GRID2: variants seen among roughly 807,000 people sequenced by gnomAD.
The protein encoded by GRID2 is glutamate receptor ionotropic, delta-2.
GRID2 carries 33 observed loss-of-function variants against 114.8 expected under a neutral mutation model. The observed-to-expected ratio is 0.29, with a 90% CI of 0.22 to 0.38. The LOEUF is 0.38. GRID2 is among the 10% of genes least tolerant of loss of function. GRID2 has a pLI of 1.00. For missense variants in GRID2, 1,184 were observed against 1,257.7 expected, an observed-to-expected ratio of 0.94 and a Z score of 0.89; for synonymous variants, 505 against 449.9, an observed-to-expected ratio of 1.12 and a Z score of -1.55.
chr4:92,384,609 A>ATATGTTATATATTATATATAATATATAT lies in GRID2; in HGVS notation c.88+79868_88+79869insGTTATATATTATATATAATATATATTAT, dbSNP rs1729830796. The stretch of plus-strand genomic sequence containing the variant: ...TATATTATATATAACATAATATATA[A>ATATGTTATATATTATATATAATATATAT]TATATGTTATATATTATATATAATA... On this transcript the variant is annotated intron_variant, in intron 1 of 15. Coordinates refer to ENST00000282020, the MANE Select transcript of GRID2 (RefSeq NM_001510.4). Among the ~76,000 whole-genome samples, 8 of 52,234 alleles carry ATATGTTATATATTATATATAATATATAT rather than the reference A, an allele frequency of 1.5e-4. No individual in the cohort carries two copies. The South Asian group carries it at 2.8e-3, about 18-fold the overall frequency. The allele number at this position is 52,234 out of a possible 152,430, so 34.3% of individuals were successfully genotyped here.
chr4:92,709,928 G>T (rs1261830212), intron 2 of GRID2, among the ~76,000 whole-genome samples: 2 of 151,972 alleles, frequency 1.3e-5, no homozygotes, highest in Non-Finnish European at 2.9e-5. Flanking sequence ...TATTCTAATA[G>T]AATTTTCAGT....
intron 2 of GRID2, among the ~76,000 whole-genome samples, chr4:92,677,476 T>C (rs1733429042): frequency 1.3e-5 from 2 of 152,158 alleles, no homozygotes; most frequent in South Asian, 2.1e-4. Context: ...TTAATTCTTA[T>C]TACTGGTATA....
chr4:93,256,638 TGATA>T (rs572201241), intron 8 of GRID2, among the ~76,000 whole-genome samples: 65 of 151,944 alleles, frequency 4.3e-4, no homozygotes, highest in African/African-American at 1.4e-3. Flanking sequence ...AAAGAAAATA[TGATA>T]GATAGATAGA....
At chr4:93,106,034 C>A (rs373599135) in intron 3 of GRID2, among the ~76,000 whole-genome samples, 1 of 152,098 alleles carries the variant, frequency 6.6e-6, no homozygotes, top group Non-Finnish European at 1.5e-5. Context: ...TTCCTCCTCC[C>A]CCAGTCTTAT....
intron 12 of GRID2, among the ~76,000 whole-genome samples, chr4:93,494,910 C>T (rs779583133): frequency 6.6e-6 from 1 of 151,782 alleles, no homozygotes; most frequent in African/African-American, 2.4e-5. Context: ...ATAATAGCAT[C>T]ATCAACATTA....
chr4:92,589,595 T>C (rs1728614465), intron 1 of GRID2, among the ~76,000 whole-genome samples: 1 of 152,212 alleles, frequency 6.6e-6, no homozygotes, highest in Non-Finnish European at 1.5e-5. Context: ...TGAATGTCTT[T>C]ACATTTTCTA....
At chr4:92,868,843 G>C (rs1293453269) in intron 2 of GRID2, among the ~76,000 whole-genome samples, 2 of 152,034 alleles carry the variant, frequency 1.3e-5, no homozygotes, top group African/African-American at 4.8e-5. Context: ...TTTATCAAGA[G>C]TAATATTGCC....
intron 1 of GRID2, among the ~76,000 whole-genome samples, chr4:92,358,925 A>T (rs1163138111): frequency 6.6e-6 from 1 of 151,944 alleles, no homozygotes; most frequent in African/African-American, 2.4e-5. Context: ...ACTTGCATGT[A>T]TCAACTAATT....
intron 10 of GRID2, among the ~76,000 whole-genome samples, chr4:93,439,486 G>A (rs1721423780): frequency 6.6e-6 from 1 of 152,066 alleles, no homozygotes; most frequent in Non-Finnish European, 1.5e-5. Context: ...CATTCTCATG[G>A]AATTGTCTAG....
At chr4:92,931,094 C>T (rs970526789) in intron 2 of GRID2, among the ~76,000 whole-genome samples, 9 of 138,716 alleles carry the variant, frequency 6.5e-5, no homozygotes, top group African/African-American at 2.1e-4. Context: ...CCACTACAAA[C>T]ATAGTTAAAA....
chr4:93,213,171 A>T (rs891258379), intron 5 of GRID2, among the ~76,000 whole-genome samples: 2 of 152,084 alleles, frequency 1.3e-5, no homozygotes, highest in Non-Finnish European at 2.9e-5. Context: ...TGAACTGCTC[A>T]CTTCTAAGCT....
At chr4:92,661,222 G>T (rs1486168364) in intron 2 of GRID2, among the ~76,000 whole-genome samples, 1 of 150,690 alleles carries the variant, frequency 6.6e-6, no homozygotes, top group East Asian at 1.9e-4. Context: ...TAATAAAGAG[G>T]TGTTCTAAGA....
chr4:93,737,830 A>G (rs2110243048), intron 14 of GRID2, among the ~76,000 whole-genome samples: 1 of 152,266 alleles, frequency 6.6e-6, no homozygotes, highest in Middle Eastern at 3.4e-3. Flanking sequence ...GCTCACACCT[A>G]ATTGATAAAA....
At chr4:93,632,230 A>G (rs933486034) in intron 14 of GRID2, among the ~76,000 whole-genome samples, 3 of 152,198 alleles carry the variant, frequency 2.0e-5, no homozygotes, top group Middle Eastern at 3.4e-3. Flanking sequence ...ATGAGATCCC[A>G]TTTGTCAGTT....
intron 1 of GRID2, among the ~76,000 whole-genome samples, chr4:92,464,689 A>C (rs1243580516): frequency 6.6e-6 from 1 of 152,134 alleles, no homozygotes; most frequent in African/African-American, 2.4e-5. Flanking sequence ...AGCAGCTTAC[A>C]GTCTATTAGT....
chr4:93,381,897 T>C (rs1763888357), intron 8 of GRID2, among the ~76,000 whole-genome samples: 1 of 152,154 alleles, frequency 6.6e-6, no homozygotes, highest in South Asian at 2.1e-4. Flanking sequence ...TTTATTTCCA[T>C]CTTCAGAACT....
At chr4:92,707,657 T>C (rs540620579) in intron 2 of GRID2, among the ~76,000 whole-genome samples, 1 of 152,312 alleles carries the variant, frequency 6.6e-6, no homozygotes, top group South Asian at 2.1e-4. Context: ...AGATGTAGCT[T>C]TTGAGCTATG....
chr4:93,566,597 C>A (rs954456244), intron 13 of GRID2, among the ~76,000 whole-genome samples: 1 of 152,032 alleles, frequency 6.6e-6, no homozygotes, highest in Admixed American at 6.6e-5. Flanking sequence ...TGGCAAAACC[C>A]TGTCTCTACT....
At chr4:93,518,055 T>C (rs1325581225) in intron 13 of GRID2, among the ~76,000 whole-genome samples, 1 of 128,216 alleles carries the variant, frequency 7.8e-6, no homozygotes, top group African/African-American at 3.3e-5. Context: ...ATATACTATA[T>C]ATGTATATAG....
Sources: allele counts gnomAD v4.1 joint callset (sites outside exome capture counted in the v4.1 genomes callset), GRCh38; gene constraint gnomAD v4.1.1; transcripts MANE v1.5; gene names NCBI Gene and HGNC (gene_info 2026-07-23, HGNC 2026-07-21).